The following GALM variants were observed in gnomAD, a reference collection of about 807,000 sequenced individuals.
GALM encodes aldose 1-epimerase.
Under a neutral mutation model 37.4 loss-of-function variants are expected in GALM, and 43 were observed. The observed-to-expected ratio is 1.15, with a 90% confidence interval of 0.90 to 1.48. The LOEUF is 1.48. GALM is among the 40% of genes most tolerant of loss of function. The pLI is 0.00. For synonymous variants in GALM, 199 were observed against 170.6 expected (o/e 1.17, Z -1.30); for missense variants, 456 against 419.1 (o/e 1.09, Z -0.77).
Position 38,729,466 on chromosome 2 carries a change from G to A in GALM, c.635-90G>A, listed in dbSNP as rs939687610. ...CTTAACAAATTAAAATGAAGGCGGA[G>A]AGAGTAGAACCAGTGAGCCTTTGTG... On this transcript the variant is annotated intron_variant, in intron 4 of 6. Transcript: ENST00000272252. 1.2e-5 allele frequency: 14 copies of A among 1,124,844 alleles called. No homozygotes were observed. In the Admixed American group the frequency reaches 1.4e-4, roughly 12 times the overall value. The allele number at this position is 1,124,844 out of a possible 1,614,324, so 69.7% of individuals were successfully genotyped here.
chr2:38,732,572 T>C (rs987499898), intron 6 of GALM, among the ~76,000 whole-genome samples: 6 of 152,206 alleles, frequency 3.9e-5, no homozygotes, highest in African/African-American at 1.4e-4. Context: ...CATAACTTTC[T>C]TTTCTGGTTG....
chr2:38,691,525 GA>G (rs149653443), intron 4 of GALM, among the ~76,000 whole-genome samples: 4 of 146,518 alleles, frequency 2.7e-5, no homozygotes, highest in African/African-American at 7.5e-5. Context: ...ACAAAAAATT[GA>G]AAAAAAAAAT....
chr2:38,686,276 C>CTTTCTTTCCTTCTTTCTTTCT (rs1294189123), intron 3 of GALM, among the ~76,000 whole-genome samples: 5 of 99,028 alleles, frequency 5.0e-5, no homozygotes, highest in African/African-American at 1.7e-4. Flanking sequence ...TTCTTTCTTT[C>CTTTCTTTCCTTCTTTCTTTCT]TTATTTTGAG....
chr2:38,685,003 C>A lies in GALM; in HGVS notation c.552+3517C>A, dbSNP rs1336214927. On this transcript the variant is annotated intron_variant, in intron 3 of 6. Transcript: ENST00000272252. ...TTTGGCTTTTGTCTTCAGGCTTGTCCCCTCATGGCCACAGCTCCAGGAATC... is the reference window on the plus strand; with the variant it reads ...TTTGGCTTTTGTCTTCAGGCTTGTCACCTCATGGCCACAGCTCCAGGAATC... Among the ~76,000 whole-genome samples the A allele has an allele frequency of 5.9e-5, 9 of 152,198 alleles. No homozygotes were observed. In the East Asian group the frequency reaches 1.5e-3, roughly 26 times the overall value.
intron 1 of GALM, among the ~76,000 whole-genome samples, chr2:38,667,931 C>T (rs553861666): frequency 9.8e-5 from 15 of 152,302 alleles, no homozygotes; most frequent in African/African-American, 3.1e-4. Flanking sequence ...AGGGGTCCTG[C>T]CCCATACCCG....
chr2:38,709,483 T>C (rs1463345190), intron 4 of GALM, among the ~76,000 whole-genome samples: 1 of 151,174 alleles, frequency 6.6e-6, no homozygotes, highest in Admixed American at 6.6e-5. Flanking sequence ...TCGGATGTCA[T>C]CTAACATCCA....
intron 2 of GALM, among the ~76,000 whole-genome samples, chr2:38,679,521 G>C (rs1464829455): frequency 6.6e-6 from 1 of 152,164 alleles, no homozygotes; most frequent in Non-Finnish European, 1.5e-5. Context: ...CATTTCATTT[G>C]GGCAACCAAA....
At chr2:38,706,326 A>G (rs186481875) in intron 4 of GALM, among the ~76,000 whole-genome samples, 1 of 149,752 alleles carries the variant, frequency 6.7e-6, no homozygotes, top group East Asian at 2.1e-4. Context: ...TAGATCATGG[A>G]GGGCTTTCAA....
chr2:38,730,920 C>CA (rs35932426), intron 5 of GALM, among the ~76,000 whole-genome samples: 2,895 of 124,424 alleles, frequency 0.023, 75 homozygotes, highest in African/African-American at 0.072. Context: ...AACTCCATCT[C>CA]AAAAAAAAAA....
chr2:38,716,794 T>C (rs1313001959), intron 4 of GALM, among the ~76,000 whole-genome samples: 2 of 151,974 alleles, frequency 1.3e-5, no homozygotes, highest in Non-Finnish European at 2.9e-5. Context: ...CAGTGAGCTG[T>C]GATTGCACCT....
intron 4 of GALM, among the ~76,000 whole-genome samples, chr2:38,712,007 G>A (rs2148449530): frequency 6.6e-6 from 1 of 152,210 alleles, no homozygotes; most frequent in South Asian, 2.1e-4. Context: ...TATGTTTTGT[G>A]CCCAGGGTAA....
At chr2:38,697,351 G>T (rs1173670858) in intron 4 of GALM, among the ~76,000 whole-genome samples, 1 of 152,108 alleles carries the variant, frequency 6.6e-6, no homozygotes. Context: ...CTGCAGGGTT[G>T]CTTCTCAGAT....
intron 2 of GALM, among the ~76,000 whole-genome samples, chr2:38,676,777 T>TAAA (rs1226765060): frequency 6.6e-6 from 1 of 151,820 alleles, no homozygotes; most frequent in East Asian, 1.9e-4. Context: ...AAATAAAAAA[T>TAAA]AAATAATAAA....
At chr2:38,702,219 G>A (rs1354212680) in intron 4 of GALM, among the ~76,000 whole-genome samples, 3 of 151,862 alleles carry the variant, frequency 2.0e-5, no homozygotes, top group Non-Finnish European at 4.4e-5. Context: ...TATCTTCCAT[G>A]TAAAAGCATC....
chr2:38,683,613 C>T (rs558482028), intron 3 of GALM, among the ~76,000 whole-genome samples: 1 of 151,966 alleles, frequency 6.6e-6, no homozygotes, highest in South Asian at 2.1e-4. Flanking sequence ...GTTGCCCAGG[C>T]TGGAATGCAG....
chr2:38,666,151 A>G lies in GALM; in HGVS notation c.-11A>G, dbSNP rs1254896447. On this transcript the variant is annotated 5_prime_UTR_variant, in exon 1 of 7. Transcript: ENST00000272252. ...AGAGCGGGCAGTGGCTGCACACGCC[A>G]AACTTTCCCTATGGCTTCGGTGACC... is the stretch of plus-strand genomic sequence containing the variant. The G allele has an allele frequency of 6.2e-7, 1 of 1,607,146 alleles. No individual in the cohort carries two copies. The highest frequency in any genetic ancestry group is 8.5e-7 in the Non-Finnish European group (1 of 1,176,188).
chr2:38,675,132 G>T (rs1387386882), intron 1 of GALM, among the ~76,000 whole-genome samples: 2 of 152,010 alleles, frequency 1.3e-5, no homozygotes, highest in Admixed American at 6.6e-5. Context: ...CCGAGATGGG[G>T]CCACTGCACT....
At chr2:38,728,208 A>G (rs1353702064) in intron 4 of GALM, among the ~76,000 whole-genome samples, 1 of 152,080 alleles carries the variant, frequency 6.6e-6, no homozygotes, top group East Asian at 1.9e-4. Flanking sequence ...AGCCTGGCCA[A>G]CATGGTGAAA....
chr2:38,703,094 T>TA (rs1558588767), intron 4 of GALM, among the ~76,000 whole-genome samples: 7 of 8,102 alleles, frequency 8.6e-4, no homozygotes, highest in African/African-American at 2.3e-3. Context: ...ATATATATAT[T>TA]TTTTTTTTTT....
Sources: gnomAD v4.1 joint callset for allele counts (sites outside exome capture counted in the v4.1 genomes callset) on GRCh38, gnomAD v4.1.1 for gene constraint, MANE v1.5 for transcripts, NCBI Gene and HGNC (gene_info 2026-07-23, HGNC 2026-07-21) for gene names.